The following TRIOBP variants were observed in gnomAD, a reference collection of about 807,000 sequenced individuals.
TRIOBP encodes the protein TRIO and F-actin binding protein.
TRIOBP carries 169 observed loss-of-function variants against 238.8 expected under a neutral mutation model. The observed-to-expected ratio is 0.71, with a 90% confidence interval of 0.62 to 0.80. The LOEUF (loss-of-function observed/expected upper bound fraction) is 0.80, where lower values mean the gene tolerates loss of function less well. TRIOBP is among the 30% of genes least tolerant of loss of function. TRIOBP has a pLI of 0.00. For missense variants in TRIOBP, 2,838 were observed against 3,122.6 expected (o/e 0.91, Z 2.17); for synonymous variants, 1,150 against 1,274.4 (o/e 0.90, Z 2.08).
At chr22:37,763,814 G>A (rs1417482038) in intron 17 of TRIOBP, among the ~76,000 whole-genome samples, 2 of 152,260 alleles carry the variant, frequency 1.3e-5, no homozygotes, top group East Asian at 1.9e-4. Context: ...ATTACCTCAC[G>A]CTTCTGTAGG....
At chr22:37,761,955 C>A (rs1926267832) in intron 17 of TRIOBP, among the ~76,000 whole-genome samples, 1 of 130,792 alleles carries the variant, frequency 7.6e-6, no homozygotes, top group African/African-American at 2.8e-5. Context: ...AGCCAGGGGG[C>A]TTCTGCCTGC....
intron 17 of TRIOBP, among the ~76,000 whole-genome samples, chr22:37,762,433 G>A (rs1235983692): frequency 6.6e-6 from 1 of 152,218 alleles, no homozygotes; most frequent in African/African-American, 2.4e-5. Context: ...CCACTACAAT[G>A]ACGTTTAAAA....
chr22:37,723,585 C>T lies in TRIOBP; in HGVS notation c.1029C>T (p.Ser343=). 1 of 1,614,124 alleles carries T rather than the reference C, an allele frequency of 6.2e-7. No homozygotes were observed. The highest frequency in any genetic ancestry group is 8.5e-7 in the Non-Finnish European group (1 of 1,180,014). The change falls in exon 7 of 24, where the codon TCC becomes TCT. Residue 343 remains serine, a synonymous_variant. Coordinates refer to ENST00000644935, the MANE Select transcript of TRIOBP (RefSeq NM_001039141.3). The part of the protein sequence containing the change: ...SSTQWNTPRA[S]SPSRSTQLDN... The stretch of plus-strand genomic sequence containing the variant: ...CACAGTGGAACACCCCCAGAGCTTC[C>T]TCTCCCTCACGAAGCACCCAACTGG...
At position 37,755,610 on chromosome 22, in the gene TRIOBP, G is replaced by A. The variant is rs185078175; in HGVS notation, c.5638G>A (p.Glu1880Lys). ...CTCAGGCATCCGGCGGAACTGGATC[G>A]AGGCTCTGAGAAAGACCGTACGTCC... ...MTSGIRRNWI[E>K]ALRKTVRPTS... The change falls in exon 15 of 24, where the codon GAG becomes AAG. Residue 1880 changes from glutamate to lysine, a missense_variant. Around this residue, in one of 5 missense-constraint regions of TRIOBP, gnomAD observed 2,096 missense variants for 2,137.4 expected, o/e 0.98. Coordinates refer to ENST00000644935, the MANE Select transcript of TRIOBP (RefSeq NM_001039141.3). 14 of 1,614,102 alleles carry A rather than the reference G, an allele frequency of 8.7e-6. No homozygotes were observed. Among genetic ancestry groups the A allele is most frequent in the South Asian group, 3.3e-5 (3 of 91,084 alleles).
chr22:37,723,181 C>T lies in TRIOBP; in HGVS notation c.629-4C>T, dbSNP rs761189160. 1.2e-6 allele frequency: 2 copies of T among 1,613,770 alleles called. No homozygotes were observed. Among genetic ancestry groups the T allele is most frequent in the Admixed American group, 3.3e-5 (2 of 59,992 alleles). Reference sequence around the variant, plus strand: ...TACCTTGAGCCCCTCTCTTCTCTCTCCAGACACCGGCGGTGGGGGCCGGAG... The same window carrying T: ...TACCTTGAGCCCCTCTCTTCTCTCTTCAGACACCGGCGGTGGGGGCCGGAG... On this transcript the variant is annotated splice_region_variant and splice_polypyrimidine_tract_variant and intron_variant, in intron 6 of 23. Coordinates refer to ENST00000644935, the MANE Select transcript of TRIOBP (RefSeq NM_001039141.3).
intron 7 of TRIOBP, among the ~76,000 whole-genome samples, chr22:37,730,298 C>T (rs1924362888): frequency 6.6e-6 from 1 of 152,188 alleles, no homozygotes. Flanking sequence ...CAGCATCGGA[C>T]AAGCCAGGTC....
chr22:37,769,188 G>A lies in TRIOBP; in HGVS notation c.6735+1G>A. On this transcript the variant is annotated splice_donor_variant, in intron 20 of 23. Transcript: ENST00000644935. LOFTEE classifies it high-confidence loss of function. ...CCAGGAGCTGCTGCGCCACAACCAG[G>A]TGGGCCTGGCCCCAGGTTGGGGGGA... is the stretch of plus-strand genomic sequence containing the variant. 1.2e-6 allele frequency: 2 copies of A among 1,606,518 alleles called. No individual in the cohort carries two copies. Among genetic ancestry groups the A allele is most frequent in the Non-Finnish European group, 1.7e-6 (2 of 1,176,960 alleles).
intron 15 of TRIOBP, among the ~76,000 whole-genome samples, chr22:37,756,803 G>A (rs183360799): frequency 8.1e-4 from 123 of 152,348 alleles, no homozygotes; most frequent in African/African-American, 2.9e-3. Context: ...TGTGGATAAA[G>A]AGAATTGCCA....
intron 16 of TRIOBP, 32 bp from the exon 17 acceptor site, chr22:37,759,122 C>T (rs760191789): frequency 2.5e-5 from 40 of 1,571,978 alleles, no homozygotes; most frequent in Non-Finnish European, 3.3e-5. Context: ...CCCCAGCTTC[C>T]AGGTCCCACT....
At position 37,757,608 on chromosome 22, in the gene TRIOBP, C is replaced by A; in HGVS notation, c.5688-5C>A. The A allele has an allele frequency of 6.3e-7, 1 of 1,575,756 alleles. No individual in the cohort carries two copies. The highest frequency in any genetic ancestry group is 1.2e-5 in the South Asian group (1 of 86,474). Reference sequence around the variant, plus strand: ...CCACCTGACGTGGCTCTGCTGGTGCCCTAGGCTCTCGGACTCTAACAAGGA... The same window carrying A: ...CCACCTGACGTGGCTCTGCTGGTGCACTAGGCTCTCGGACTCTAACAAGGA... On this transcript the variant is annotated splice_polypyrimidine_tract_variant and splice_region_variant and intron_variant, in intron 15 of 23. Coordinates refer to ENST00000644935, the MANE Select transcript of TRIOBP (RefSeq NM_001039141.3).
At chr22:37,765,441 C>T (rs1926434736) in intron 17 of TRIOBP, among the ~76,000 whole-genome samples, 1 of 150,280 alleles carries the variant, frequency 6.7e-6, no homozygotes, top group Non-Finnish European at 1.5e-5. Context: ...GGACTTGACT[C>T]TGTAGGACGA....
chr22:37,772,989 C>T (rs1308951353), intron 23 of TRIOBP, among the ~76,000 whole-genome samples: 3 of 152,208 alleles, frequency 2.0e-5, no homozygotes, highest in African/African-American at 7.2e-5. Flanking sequence ...CAGAGCTGGG[C>T]GGCACAGTGC....
At chr22:37,772,810 C>T in intron 23 of TRIOBP, 46 bp downstream of exon 23, 5 of 1,597,428 alleles carry the variant, frequency 3.1e-6, no homozygotes, top group Non-Finnish European at 4.3e-6. Flanking sequence ...GGGGCTGAGG[C>T]TCTCCCACAC....
At chr22:37,730,086 G>A (rs773805971) in intron 7 of TRIOBP, among the ~76,000 whole-genome samples, 1 of 152,080 alleles carries the variant, frequency 6.6e-6, no homozygotes, top group Non-Finnish European at 1.5e-5. Context: ...GCATCTCTTA[G>A]AGTCACGTAG....
chr22:37,771,911 TAAGA>T (rs1321319024), intron 22 of TRIOBP, 175 bp downstream of exon 22: 2 of 711,214 alleles, frequency 2.8e-6, no homozygotes, highest in Non-Finnish European at 5.1e-6. Flanking sequence ...AAACTGAGAC[TAAGA>T]AAGGGGAAGT....
chr22:37,725,793 C>T lies in TRIOBP; in HGVS notation c.3237C>T (p.His1079=). 6.2e-7 allele frequency: 1 copy of T among 1,607,234 alleles called. No individual in the cohort carries two copies. The highest frequency in any genetic ancestry group is 1.4e-5 in the African/African-American group (1 of 73,856). ...CCCGGGCGTCCTCGCCCCCCCGCCA[C>T]ACCCAATTTGACCCCTTCCCCTTCC... ...DAPRASSPPR[H]TQFDPFPFLP... The change falls in exon 7 of 24, where the codon CAC becomes CAT. Residue 1079 remains histidine (H), a synonymous_variant. Coordinates refer to ENST00000644935, the MANE Select transcript of TRIOBP (RefSeq NM_001039141.3).
At chr22:37,710,267 TC>T (rs1332512406) in intron 3 of TRIOBP, among the ~76,000 whole-genome samples, 159 bp from the exon 4 acceptor site, 1 of 152,048 alleles carries the variant, frequency 6.6e-6, no homozygotes, top group Non-Finnish European at 1.5e-5. Context: ...TCGGCTTGAG[TC>T]CCAAGGGGTG....
chr22:37,774,316 C>T lies in TRIOBP; in HGVS notation c.*536C>T, dbSNP rs1926938180. The T allele has an allele frequency of 6.6e-6, 1 of 152,462 alleles. No individual in the cohort carries two copies. Among genetic ancestry groups the T allele is most frequent in the South Asian group, 2.1e-4 (1 of 4,824 alleles). The allele number at this position is 152,462 out of a possible 1,614,324, so 9.4% of individuals were successfully genotyped here. ...GGGAGCCTGCCACCCTCTTCCTGCC[C>T]TACCTCCTACTAACACTTCCTGCCC... is the stretch of plus-strand genomic sequence containing the variant. On this transcript the variant is annotated 3_prime_UTR_variant, in exon 24 of 24. Transcript: ENST00000644935.
intron 4 of TRIOBP, among the ~76,000 whole-genome samples, chr22:37,712,182 AATT>A (rs762592120): frequency 2.7e-5 from 4 of 150,902 alleles, no homozygotes; most frequent in South Asian, 4.2e-4. Flanking sequence ...GTGAAATGGG[AATT>A]ATTATTATTA....
Sources: allele counts gnomAD v4.1 joint callset (sites outside exome capture counted in the v4.1 genomes callset), GRCh38; gene constraint gnomAD v4.1.1; regional missense constraint gnomAD v4.1.1; transcripts MANE v1.5; gene names NCBI Gene and HGNC (gene_info 2026-07-23, HGNC 2026-07-21).